Variants in GTSE1 observed in about 807,000 individuals in gnomAD.
GTSE1 encodes G2 and S-phase expressed 1.
A neutral mutation model predicts 60.5 loss-of-function variants in GTSE1; 52 were observed. That is an observed-to-expected ratio of 0.86 (90% CI 0.69 to 1.08). The LOEUF (loss-of-function observed/expected upper bound fraction) is 1.08. Ranked by LOEUF, GTSE1 falls within the 50% of genes least tolerant of loss-of-function variation. The pLI is 0.00. For missense variants in GTSE1, 937 were observed against 961.8 expected, an observed-to-expected ratio of 0.97 and a Z score of 0.34; for synonymous variants, 368 against 386.5, an observed-to-expected ratio of 0.95 and a Z score of 0.56.
chr22:46,311,373 C>A (rs890700321), intron 4 of GTSE1, among the ~76,000 whole-genome samples: 1 of 152,182 alleles, frequency 6.6e-6, no homozygotes, highest in African/African-American at 2.4e-5. Flanking sequence ...CCACTGCACC[C>A]GGCCGAGTAC....
At chr22:46,306,268 G>C (rs1223722537) in intron 2 of GTSE1, among the ~76,000 whole-genome samples, 1 of 143,822 alleles carries the variant, frequency 7.0e-6, no homozygotes, top group East Asian at 2.1e-4. Context: ...TGCAAGCTCC[G>C]CCTCCCAGGT....
intron 8 of GTSE1, 84 bp from the exon 9 acceptor site, chr22:46,326,352 G>A (rs2077843582): frequency 1.7e-6 from 2 of 1,162,616 alleles, no homozygotes; most frequent in Non-Finnish European, 1.2e-6. Context: ...AAAGCCCTCA[G>A]CACTGCATTA....
intron 2 of GTSE1, among the ~76,000 whole-genome samples, chr22:46,306,896 A>C (rs1313585045): frequency 3.3e-5 from 5 of 152,238 alleles, no homozygotes; most frequent in African/African-American, 1.2e-4. Flanking sequence ...CTAAGTGTCC[A>C]GGCCCTTAGC....
intron 7 of GTSE1, among the ~76,000 whole-genome samples, chr22:46,322,271 G>C (rs1809446757): frequency 6.6e-6 from 1 of 152,148 alleles, no homozygotes; most frequent in Admixed American, 6.5e-5. Flanking sequence ...GGGGCTGTCT[G>C]TGGGGGCAGC....
At chr22:46,312,096 T>C (rs755498273) in intron 4 of GTSE1, 45 bp from the exon 5 acceptor site, 82 of 1,519,562 alleles carry the variant, frequency 5.4e-5, no homozygotes, top group Middle Eastern at 1.7e-4. Flanking sequence ...CTCTGTACAT[T>C]GTTAAGCACT....
chr22:46,316,256 G>A lies in GTSE1; in HGVS notation c.1276G>A (p.Gly426Ser). The change falls in exon 7 of 12, where the codon GGT (glycine) becomes AGT (serine). Residue 426 changes from glycine to serine, a missense_variant. Gly to Ser is a moderately conservative substitution (Grantham distance 56). Transcript: ENST00000454366. The surrounding 1 kb of genome is among the most constrained non-coding windows in gnomAD (Gnocchi z 5.0). The part of the protein sequence containing the change: ...ASPTQPQTPE[G>S]GGQWLNSSCA... ...CCCCACCCAACCCCAGACTCCGGAAGGTGGCGGCCAGTGGCTGAACTCCAG... is the reference window on the plus strand; with the variant it reads ...CCCCACCCAACCCCAGACTCCGGAAAGTGGCGGCCAGTGGCTGAACTCCAG... 6.2e-7 allele frequency: 1 copy of A among 1,613,880 alleles called. No individual in the cohort carries two copies. The highest frequency in any genetic ancestry group is 8.5e-7 in the Non-Finnish European group (1 of 1,180,024).
chr22:46,311,766 CA>C (rs2077749911), intron 4 of GTSE1, among the ~76,000 whole-genome samples: 1 of 152,280 alleles, frequency 6.6e-6, no homozygotes, highest in Admixed American at 6.5e-5. Flanking sequence ...TAGAGATGAC[CA>C]TTTAATGGAT....
chr22:46,300,854 G>A (rs1203413468), intron 2 of GTSE1, among the ~76,000 whole-genome samples: 2 of 152,220 alleles, frequency 1.3e-5, no homozygotes, highest in African/African-American at 4.8e-5. Flanking sequence ...GGTGTAAAAA[G>A]TGAAATGTCT....
At position 46,319,093 on chromosome 22, in the gene GTSE1, A is replaced by G. The variant is rs955268177; in HGVS notation, c.1432+2681A>G. 6.6e-6 allele frequency among the ~76,000 whole-genome samples: 1 copy of G among 152,202 alleles called. No homozygotes were observed. Among genetic ancestry groups the G allele is most frequent in the Non-Finnish European group, 1.5e-5 (1 of 68,034 alleles). On this transcript the variant is annotated intron_variant, in intron 7 of 11. Transcript: ENST00000454366. The surrounding 1 kb of genome is among the most constrained non-coding windows in gnomAD (Gnocchi z 5.0). ...ACAGCTGAAATTTCTTACTGAGAAG[A>G]GGAAAGTTGCTGTTGAACAAAAACT...
At position 46,297,141 on chromosome 22, in the gene GTSE1, C is replaced by T. The variant is rs2077661330; in HGVS notation, c.-22+210C>T. Among the ~76,000 whole-genome samples, 2 of 152,246 alleles carry T rather than the reference C, an allele frequency of 1.3e-5. No homozygotes were observed. Among genetic ancestry groups the T allele is most frequent in the African/African-American group, 2.4e-5 (1 of 41,466 alleles). ...GCAAACAGAGCCCCCAACACTCTGG[C>T]CCAGAAGCCGAGAATTCCGTTATCT... On this transcript the variant is annotated intron_variant, in intron 1 of 11. Transcript: ENST00000454366. The surrounding 1 kb of genome is among the most constrained non-coding windows in gnomAD (Gnocchi z 4.9).
rs2077776587 is a variant in GTSE1, at chr22:46,315,954, G to A, written c.1052-78G>A. On this transcript the variant is annotated intron_variant, in intron 6 of 11. Transcript: ENST00000454366. ...TTATGTTTAAGGTAGATATGCTAAA[G>A]ACAGCATAACTTCTGTGTGTTTGTT... is the stretch of plus-strand genomic sequence containing the variant. 3 of 1,117,620 alleles carry A rather than the reference G, an allele frequency of 2.7e-6. No individual in the cohort carries two copies. In the East Asian group the frequency reaches 7.3e-5, roughly 27 times the overall value. 69.2% of individuals were successfully genotyped at this position (1,117,620 alleles called of 1,614,324 possible). A position where few individuals can be genotyped will look rare whatever the true frequency, so the allele number is the denominator to read the frequency against.
chr22:46,323,794 TCTC>T (rs1169908374), intron 8 of GTSE1, among the ~76,000 whole-genome samples: 2 of 152,118 alleles, frequency 1.3e-5, no homozygotes, highest in Non-Finnish European at 2.9e-5. Flanking sequence ...TTCACGCCAT[TCTC>T]CTGCCTCAGC....
rs563396011 is a variant in GTSE1, at chr22:46,316,407, C to A, written c.1427C>A (p.Ser476Tyr). The A allele has an allele frequency of 2.6e-6, 4 of 1,551,514 alleles. No individual in the cohort carries two copies. The highest frequency in any genetic ancestry group is 3.5e-6 in the Non-Finnish European group (4 of 1,132,900). The change falls in exon 7 of 12, where the codon TCT becomes TAT. Residue 476 changes from serine to tyrosine, a missense_variant. By Grantham distance (144) the Ser-to-Tyr change is moderately radical. Transcript: ENST00000454366. This position sits in a 1 kb window ranked among gnomAD's most constrained non-coding sequence, Gnocchi z 5.0. ...AATCAATTTAAAATTCCTAAGTTTT[C>A]TATTGGTGAGTAATAGATACATTTT... ...PTNQFKIPKF[S>Y]IGDSPDSSTP...
chr22:46,314,837 C>T lies in GTSE1; in HGVS notation c.1051+824C>T, dbSNP rs1420507681. On this transcript the variant is annotated intron_variant, in intron 6 of 11. Transcript: ENST00000454366. This position sits in a 1 kb window ranked among gnomAD's most constrained non-coding sequence, Gnocchi z 7.1. Reference sequence around the variant, plus strand: ...GTTACCATGAGCCGAGATTGCATCACTGCACTCCGTCTCAAAAAAAAAAAA... The same window carrying T: ...GTTACCATGAGCCGAGATTGCATCATTGCACTCCGTCTCAAAAAAAAAAAA... 2.0e-5 allele frequency among the ~76,000 whole-genome samples: 3 copies of T among 147,042 alleles called. No homozygotes were observed. The highest frequency in any genetic ancestry group is 2.0e-4 in the East Asian group (1 of 5,018).
Position 46,321,771 on chromosome 22 carries a change from G to T in GTSE1, c.1433-1419G>T, listed in dbSNP as rs2077813824. ...CTGTGCATGAGTCACTTTGATAGAG[G>T]TGATTTTTAAAAGAATAGGAGAGGC... is the stretch of plus-strand genomic sequence containing the variant. On this transcript the variant is annotated intron_variant, in intron 7 of 11. Coordinates refer to ENST00000454366, the MANE Select transcript of GTSE1 (RefSeq NM_016426.7). The surrounding 1 kb of genome is among the most constrained non-coding windows in gnomAD (Gnocchi z 4.0). Among the ~76,000 whole-genome samples, 3 of 152,098 alleles carry T rather than the reference G, an allele frequency of 2.0e-5. No homozygotes were observed. The highest frequency in any genetic ancestry group is 7.2e-5 in the African/African-American group (3 of 41,428).
At position 46,297,112 on chromosome 22, in the gene GTSE1, C is replaced by A. The variant is rs1342308998; in HGVS notation, c.-22+181C>A. Among the ~76,000 whole-genome samples, 1 of 152,228 alleles carries A rather than the reference C, an allele frequency of 6.6e-6. No homozygotes were observed. Among genetic ancestry groups the A allele is most frequent in the East Asian group, 1.9e-4 (1 of 5,190 alleles). ...ATGCCGGGAGGTCTAGGGCTGCCCCCCAGGCAAACAGAGCCCCCAACACTC... is the reference window on the plus strand; with the variant it reads ...ATGCCGGGAGGTCTAGGGCTGCCCCACAGGCAAACAGAGCCCCCAACACTC... On this transcript the variant is annotated intron_variant, in intron 1 of 11. Transcript: ENST00000454366. The surrounding 1 kb of genome is among the most constrained non-coding windows in gnomAD (Gnocchi z 4.9).
chr22:46,325,815 C>T (rs2077840518), intron 8 of GTSE1, among the ~76,000 whole-genome samples: 1 of 152,258 alleles, frequency 6.6e-6, no homozygotes, highest in Non-Finnish European at 1.5e-5. Flanking sequence ...TGCCAGTTGA[C>T]TCAGCCTCTT....
chr22:46,330,110 T>TC lies in GTSE1; in HGVS notation c.2204dup (p.Leu736ThrfsTer18). On this transcript the variant is annotated frameshift_variant, in exon 12 of 12. Transcript: ENST00000454366. LOFTEE classifies it high-confidence loss of function. This position sits in a 1 kb window ranked among gnomAD's most constrained non-coding sequence, Gnocchi z 6.0. ...TGAGGCTGACAAGGAGAACGTGGAT[T>TC]CCCCACTCCTCAAGTTCTAAGCCGA... 1 of 1,604,838 alleles carries TC rather than the reference T, an allele frequency of 6.2e-7. No homozygotes were observed. Among genetic ancestry groups the TC allele is most frequent in the Non-Finnish European group, 8.5e-7 (1 of 1,171,462 alleles).
rs750280204 is a variant in GTSE1, at chr22:46,308,581, G to A, written c.400G>A (p.Val134Met). The A allele has an allele frequency of 1.4e-5, 22 of 1,614,052 alleles. No homozygotes were observed. In the Admixed American group the frequency reaches 1.8e-4, roughly 13 times the overall value. The change falls in exon 4 of 12, where the codon GTG becomes ATG. Residue 134 changes from valine to methionine, a missense_variant. Coordinates refer to ENST00000454366, the MANE Select transcript of GTSE1 (RefSeq NM_016426.7). ...GCCTGAAGACCCTCGGAGCCAGGGC[G>A]TGGAAAGATTCATACAGGAGTCAAA... is the stretch of plus-strand genomic sequence containing the variant. ...AKPEDPRSQG[V>M]ERFIQESKLK... is the part of the protein sequence containing the mutation.
Sources: allele counts gnomAD v4.1 joint callset (sites outside exome capture counted in the v4.1 genomes callset), GRCh38; gene constraint gnomAD v4.1.1; non-coding constraint Gnocchi (gnomAD v3.1); transcripts MANE v1.5; gene names NCBI Gene and HGNC (gene_info 2026-07-23, HGNC 2026-07-21).